SHLD2: variants seen among roughly 807,000 people sequenced by gnomAD.
The protein encoded by SHLD2 is RINN1-REV7-interacting novel NHEJ regulator 2.
In SHLD2, 30 loss-of-function variants were observed where a neutral mutation model predicts 73.2. The observed-to-expected ratio is 0.41, with a 90% CI of 0.31 to 0.56. SHLD2 has a LOEUF of 0.56. SHLD2 is among the 20% of genes least tolerant of loss of function. The probability of loss-of-function intolerance (pLI) is 0.28; values close to 1 mark genes in which losing one functional copy is unlikely to be tolerated. For missense variants in SHLD2, 745 were observed against 1,055.9 expected (o/e 0.71, Z 4.08); for synonymous variants, 285 against 370.1 (o/e 0.77, Z 2.64).
At position 87,122,239 on chromosome 10, in the gene SHLD2, T is replaced by A. The variant is rs545544973; in HGVS notation, c.-6+25250T>A. On this transcript the variant is annotated intron_variant, in intron 2 of 9. Coordinates refer to ENST00000298786, the MANE Select transcript of SHLD2 (RefSeq NM_001330112.2). ...ACAAGAGAGATTCATGATTCCCAAGTGCTACAGCAGACCAAGGTATCTAAA... is the reference window on the plus strand; with the variant it reads ...ACAAGAGAGATTCATGATTCCCAAGAGCTACAGCAGACCAAGGTATCTAAA... Among the ~76,000 whole-genome samples the A allele has an allele frequency of 8.0e-5, 12 of 150,372 alleles. No individual in the cohort carries two copies. In the East Asian group the frequency reaches 2.3e-3, roughly 29 times the overall value.
At chr10:87,178,719 CA>C (rs1455002265) in intron 7 of SHLD2, among the ~76,000 whole-genome samples, 2 of 149,364 alleles carry the variant, frequency 1.3e-5, no homozygotes, top group South Asian at 4.2e-4. Flanking sequence ...TGTCTCAAAA[CA>C]AAAAAAAATA....
intron 2 of SHLD2, among the ~76,000 whole-genome samples, chr10:87,146,579 C>G (rs1845623605): frequency 6.6e-6 from 1 of 150,648 alleles, no homozygotes; most frequent in African/African-American, 2.4e-5. Context: ...TAAGCTTGAG[C>G]CACCGCGCCC....
intron 4 of SHLD2, among the ~76,000 whole-genome samples, chr10:87,169,807 A>C (rs992762705): frequency 6.6e-6 from 1 of 152,208 alleles, no homozygotes; most frequent in Admixed American, 6.5e-5. Context: ...TTTAAAGGAC[A>C]TAGTAACTGA....
chr10:87,147,303 A>T (rs1397917715), intron 2 of SHLD2, among the ~76,000 whole-genome samples: 2 of 151,986 alleles, frequency 1.3e-5, no homozygotes, highest in African/African-American at 4.8e-5. Context: ...TATGAATGGG[A>T]TTGGATGAAA....
upstream of SHLD2, among the ~76,000 whole-genome samples, chr10:87,095,035 C>A (rs1360006231): frequency 7.0e-6 from 1 of 142,830 alleles, no homozygotes; most frequent in Non-Finnish European, 1.5e-5. Context: ...GGCGGGGCGT[C>A]GGGGGCGCGC....
chr10:87,185,668 G>A (rs1348514040), intron 8 of SHLD2, among the ~76,000 whole-genome samples: 2 of 152,094 alleles, frequency 1.3e-5, no homozygotes, highest in Admixed American at 6.6e-5. Flanking sequence ...ATTTGCTCCC[G>A]TATTTTCTTC....
intron 2 of SHLD2, among the ~76,000 whole-genome samples, chr10:87,132,879 T>C (rs1449985885): frequency 6.6e-6 from 1 of 152,226 alleles, no homozygotes; most frequent in Non-Finnish European, 1.5e-5. Flanking sequence ...TAGTATTTTA[T>C]TGAGCTTTTA....
At chr10:87,135,646 A>G (rs1589518596) in intron 2 of SHLD2, among the ~76,000 whole-genome samples, 2 of 146,476 alleles carry the variant, frequency 1.4e-5, no homozygotes, top group Non-Finnish European at 3.0e-5. Context: ...GATGCATGCC[A>G]CCACACCTGG....
At chr10:87,124,149 A>G (rs922779753) in intron 2 of SHLD2, among the ~76,000 whole-genome samples, 1 of 152,172 alleles carries the variant, frequency 6.6e-6, no homozygotes, top group African/African-American at 2.4e-5. Context: ...AAGTGACAGG[A>G]GTAGATATAA....
chr10:87,122,755 TTTTTA>T (rs1843715878), intron 2 of SHLD2, among the ~76,000 whole-genome samples: 1 of 152,122 alleles, frequency 6.6e-6, no homozygotes, highest in African/African-American at 2.4e-5. Context: ...CAATAAGGTG[TTTTTA>T]TTTATTTATT....
At chr10:87,144,117 C>G (rs1044660295) in intron 2 of SHLD2, among the ~76,000 whole-genome samples, 2 of 152,108 alleles carry the variant, frequency 1.3e-5, no homozygotes, top group African/African-American at 4.8e-5. Flanking sequence ...CCCACTTCGG[C>G]CTCCCAAAGT....
intron 2 of SHLD2, among the ~76,000 whole-genome samples, chr10:87,143,641 T>C (rs1191129277): frequency 3.9e-5 from 6 of 152,176 alleles, no homozygotes; most frequent in African/African-American, 1.2e-4. Flanking sequence ...AATCCTGTTA[T>C]AATATTTTAG....
At chr10:87,185,103 C>A (rs1052647726) in intron 8 of SHLD2, among the ~76,000 whole-genome samples, 1 of 152,138 alleles carries the variant, frequency 6.6e-6, no homozygotes, top group Non-Finnish European at 1.5e-5. Context: ...CAACCTATGG[C>A]AACTACGAAT....
chr10:87,122,291 T>C (rs1303161497), intron 2 of SHLD2, among the ~76,000 whole-genome samples: 1 of 152,132 alleles, frequency 6.6e-6, no homozygotes, highest in Non-Finnish European at 1.5e-5. Flanking sequence ...GCTGATCTTG[T>C]TTATTAGAAA....
chr10:87,169,055 A>G (rs1194462077), intron 4 of SHLD2, among the ~76,000 whole-genome samples: 3 of 152,256 alleles, frequency 2.0e-5, no homozygotes, highest in Non-Finnish European at 4.4e-5. Context: ...AAAGATCAAC[A>G]CAATGTTTCC....
intron 2 of SHLD2, among the ~76,000 whole-genome samples, chr10:87,097,976 G>A (rs1273302550): frequency 2.0e-5 from 3 of 151,902 alleles, no homozygotes; most frequent in African/African-American, 7.3e-5. Context: ...TGGCCAGGCT[G>A]TTCTCAAACT....
chr10:87,180,750 G>C (rs1399737289), intron 8 of SHLD2, among the ~76,000 whole-genome samples: 4 of 152,072 alleles, frequency 2.6e-5, no homozygotes, highest in Non-Finnish European at 5.9e-5. Flanking sequence ...AATGTTGTAT[G>C]GTAAAACTGC....
At chr10:87,103,966 G>A (rs1842430470) in intron 2 of SHLD2, among the ~76,000 whole-genome samples, 1 of 152,216 alleles carries the variant, frequency 6.6e-6, no homozygotes, top group Non-Finnish European at 1.5e-5. Flanking sequence ...GGGCATGGTG[G>A]CTCACGCTTG....
At chr10:87,155,039 A>G (rs1446187682) in intron 3 of SHLD2, among the ~76,000 whole-genome samples, 6 of 152,150 alleles carry the variant, frequency 3.9e-5, no homozygotes, top group South Asian at 2.1e-4. Flanking sequence ...GGTTCACGCC[A>G]TTTTCCTGCC....
Sources: allele counts gnomAD v4.1 joint callset (sites outside exome capture counted in the v4.1 genomes callset), GRCh38; gene constraint gnomAD v4.1.1; transcripts MANE v1.5; gene names NCBI Gene and HGNC (gene_info 2026-07-23, HGNC 2026-07-21).